PTPRD: variants seen among roughly 807,000 people sequenced by gnomAD.
PTPRD encodes protein tyrosine phosphatase receptor type D, also known as receptor-type tyrosine-protein phosphatase delta.
A neutral mutation model predicts 214.5 loss-of-function variants in PTPRD; 34 were observed. The ratio of observed to expected loss-of-function variants is 0.16; its 90% CI spans 0.12 to 0.21. PTPRD has a LOEUF of 0.21. PTPRD is among the 10% of genes least tolerant of loss of function. The pLI, the probability that PTPRD is intolerant of heterozygous loss-of-function variation, is 1.00. For missense variants in PTPRD, 2,545 were observed against 2,398.7 expected, an observed-to-expected ratio of 1.06 and a Z score of -1.27; for synonymous variants, 1,128 against 845.7, an observed-to-expected ratio of 1.33 and a Z score of -5.79.
At chr9:10,444,880 A>G (rs916621170) in intron 2 of PTPRD, among the ~76,000 whole-genome samples, 2 of 152,002 alleles carry the variant, frequency 1.3e-5, no homozygotes, top group Non-Finnish European at 2.9e-5. Context: ...TTACATGTCA[A>G]CAATTAGAAA....
intron 5 of PTPRD, among the ~76,000 whole-genome samples, chr9:9,797,315 T>TA (rs1315938414): frequency 4.7e-5 from 7 of 150,326 alleles, no homozygotes; most frequent in African/African-American, 9.7e-5. Context: ...TTCAAATTTT[T>TA]AAAAAAATTA....
At chr9:8,640,566 A>C (rs888361979) in intron 12 of PTPRD, among the ~76,000 whole-genome samples, 5 of 151,184 alleles carry the variant, frequency 3.3e-5, no homozygotes, top group South Asian at 4.2e-4. Flanking sequence ...AAAAACAAAA[A>C]AAAAAAAAAC....
chr9:9,882,801 T>C (rs1325216678), intron 5 of PTPRD, among the ~76,000 whole-genome samples: 4 of 152,060 alleles, frequency 2.6e-5, no homozygotes, highest in African/African-American at 7.2e-5. Flanking sequence ...TGTTGAAATG[T>C]AATTCCCAAT....
At chr9:9,861,863 TC>T (rs1474419161) in intron 5 of PTPRD, among the ~76,000 whole-genome samples, 2 of 152,192 alleles carry the variant, frequency 1.3e-5, no homozygotes, top group African/African-American at 2.4e-5. Flanking sequence ...TTTATTACTC[TC>T]CCCCTGCATC....
intron 8 of PTPRD, among the ~76,000 whole-genome samples, chr9:9,440,537 G>A (rs2087177050): frequency 6.6e-6 from 1 of 152,270 alleles, no homozygotes; most frequent in Non-Finnish European, 1.5e-5. Context: ...TAGGCAGAAA[G>A]TGTGGTCCAT....
At chr9:9,518,365 A>G (rs2096885854) in intron 8 of PTPRD, among the ~76,000 whole-genome samples, 1 of 152,072 alleles carries the variant, frequency 6.6e-6, no homozygotes, top group African/African-American at 2.4e-5. Flanking sequence ...CACTAGTGAA[A>G]ATATAGTAGC....
chr9:9,343,343 A>G (rs1029033747), intron 9 of PTPRD, among the ~76,000 whole-genome samples: 1 of 152,170 alleles, frequency 6.6e-6, no homozygotes, highest in Non-Finnish European at 1.5e-5. Context: ...CACACCCAAC[A>G]GTGTAAAAGT....
chr9:10,257,704 C>G (rs1195755919), intron 3 of PTPRD, among the ~76,000 whole-genome samples: 1 of 152,164 alleles, frequency 6.6e-6, no homozygotes, highest in Non-Finnish European at 1.5e-5. Context: ...GCTCAACCCA[C>G]TAACCACCTC....
intron 44 of PTPRD, among the ~76,000 whole-genome samples, chr9:8,329,333 T>TATC (rs1189323171): frequency 6.6e-6 from 1 of 152,142 alleles, no homozygotes; most frequent in Non-Finnish European, 1.5e-5. Context: ...GCCTGGGTAT[T>TATC]ATCAGCAGAG....
At chr9:9,509,728 G>C (rs1182539981) in intron 8 of PTPRD, among the ~76,000 whole-genome samples, 3 of 151,448 alleles carry the variant, frequency 2.0e-5, no homozygotes, top group Non-Finnish European at 4.4e-5. Context: ...GCAGTGAGTA[G>C]CAGGGGTTAC....
chr9:8,417,439 T>C (rs1289130040), intron 35 of PTPRD, among the ~76,000 whole-genome samples: 1 of 152,166 alleles, frequency 6.6e-6, no homozygotes, highest in Non-Finnish European at 1.5e-5. Flanking sequence ...CTACTAAGAA[T>C]GGTGAGAGAC....
At chr9:9,097,264 T>C (rs551896722) in intron 10 of PTPRD, among the ~76,000 whole-genome samples, 17 of 152,230 alleles carry the variant, frequency 1.1e-4, no homozygotes, top group Middle Eastern at 3.4e-3. Context: ...ACAAATGCAG[T>C]ATCAGCACTA....
chr9:9,594,330 G>A (rs1181252773), intron 7 of PTPRD, among the ~76,000 whole-genome samples: 1 of 151,902 alleles, frequency 6.6e-6, no homozygotes, highest in Non-Finnish European at 1.5e-5. Context: ...TGGGTTCTTG[G>A]TCATGAAATC....
intron 37 of PTPRD, among the ~76,000 whole-genome samples, chr9:8,385,680 T>C (rs56123727): frequency 0.012 from 1,865 of 152,294 alleles, 14 homozygotes; most frequent in Non-Finnish European, 0.021. Flanking sequence ...GTGGCACTTA[T>C]CACTACATGT....
chr9:9,287,369 T>G (rs1949830670), intron 9 of PTPRD, among the ~76,000 whole-genome samples: 1 of 151,922 alleles, frequency 6.6e-6, no homozygotes, highest in African/African-American at 2.4e-5. Context: ...CTGTAATATT[T>G]ATTAATATAA....
intron 9 of PTPRD, among the ~76,000 whole-genome samples, chr9:9,337,478 C>T (rs1195752126): frequency 1.3e-5 from 2 of 152,096 alleles, no homozygotes; most frequent in African/African-American, 2.4e-5. Context: ...AATTTTCTTC[C>T]CATATAGCCA....
rs570655718 is a variant in PTPRD at position 9,725,216 on chromosome 9, T to C, written c.-287+9317A>G. ...TGGGAAGGATCTGGTAAGAGATAACTGAATCATGGGGGCAAGTCTTTCCCA... is the reference window on the plus strand; with the variant it reads ...TGGGAAGGATCTGGTAAGAGATAACCGAATCATGGGGGCAAGTCTTTCCCA... On this transcript the variant is annotated intron_variant, in intron 7 of 45. Transcript: ENST00000381196. Among the ~76,000 whole-genome samples, 43 of 152,194 alleles carry C rather than the reference T, an allele frequency of 2.8e-4. 1 individual carries two copies. In the South Asian group the frequency reaches 7.9e-3, roughly 28 times the overall value.
intron 4 of PTPRD, among the ~76,000 whole-genome samples, chr9:9,989,228 CCTGGCG>C: frequency 1.3e-5 from 2 of 151,920 alleles, no homozygotes; most frequent in Admixed American, 1.3e-4. Context: ...GATGTGGGTC[CCTGGCG>C]AGGGTCCATC....
chr9:10,502,320 T>C (rs969000517), intron 2 of PTPRD, among the ~76,000 whole-genome samples: 18 of 151,972 alleles, frequency 1.2e-4, no homozygotes, highest in African/African-American at 3.4e-4. Context: ...AAAGAACATA[T>C]AAAATTTTTG....
Sources: allele counts gnomAD v4.1 joint callset (sites outside exome capture counted in the v4.1 genomes callset), GRCh38; gene constraint gnomAD v4.1.1; transcripts MANE v1.5; gene names NCBI Gene and HGNC (gene_info 2026-07-23, HGNC 2026-07-21).